The following SH3GL3 variants were observed in gnomAD, a reference collection of about 807,000 sequenced individuals.
The protein encoded by SH3GL3 is SH3 domain containing GRB2 like 3, endophilin A3.
A neutral mutation model predicts 47.7 loss-of-function variants in SH3GL3; 33 were observed. The observed-to-expected ratio is 0.69, with a 90% confidence interval of 0.52 to 0.92. SH3GL3 has a LOEUF of 0.92. Among genes scored for constraint, SH3GL3 ranks in the 40% least tolerant of loss-of-function variants. The pLI, the probability that SH3GL3 is intolerant of heterozygous loss-of-function variation, is 0.00. For missense variants in SH3GL3, 363 were observed against 417.8 expected (o/e 0.87, Z 1.14); for synonymous variants, 155 against 148.8 (o/e 1.04, Z -0.30).
chr15:83,498,901 A>G (rs1369212738), intron 1 of SH3GL3, among the ~76,000 whole-genome samples: 1 of 152,136 alleles, frequency 6.6e-6, no homozygotes, highest in African/African-American at 2.4e-5. Flanking sequence ...TTTGCACACT[A>G]TGCCCTGTTG....
At chr15:83,520,762 C>G (rs1288837544) in intron 1 of SH3GL3, among the ~76,000 whole-genome samples, 2 of 152,102 alleles carry the variant, frequency 1.3e-5, no homozygotes, top group African/African-American at 4.8e-5. Flanking sequence ...GTATTGAATA[C>G]TGGAAATTTG....
intron 1 of SH3GL3, among the ~76,000 whole-genome samples, chr15:83,469,196 T>G (rs2040719303): frequency 6.6e-6 from 1 of 152,154 alleles, no homozygotes; most frequent in Non-Finnish European, 1.5e-5. Flanking sequence ...TTCCTGATAA[T>G]GGTAATTTTT....
intron 1 of SH3GL3, among the ~76,000 whole-genome samples, chr15:83,497,278 C>T (rs2042118697): frequency 6.6e-6 from 1 of 152,152 alleles, no homozygotes; most frequent in African/African-American, 2.4e-5. Context: ...TCTTCACGCT[C>T]TCCTTTACTG....
At chr15:83,498,935 A>G (rs568027404) in intron 1 of SH3GL3, among the ~76,000 whole-genome samples, 1 of 152,246 alleles carries the variant, frequency 6.6e-6, no homozygotes, top group South Asian at 2.1e-4. Context: ...GACCAGGTCC[A>G]TGTTCTTCCT....
chr15:83,558,777 A>T (rs2045094136), intron 1 of SH3GL3, among the ~76,000 whole-genome samples: 1 of 152,176 alleles, frequency 6.6e-6, no homozygotes, highest in Non-Finnish European at 1.5e-5. Flanking sequence ...ATCTTCTAGG[A>T]AACACATCCC....
At chr15:83,504,051 A>G (rs1426156671) in intron 1 of SH3GL3, among the ~76,000 whole-genome samples, 4 of 152,212 alleles carry the variant, frequency 2.6e-5, no homozygotes, top group Non-Finnish European at 4.4e-5. Flanking sequence ...ACTGGTTTCT[A>G]AGAACTCTTT....
chr15:83,616,522 G>A (rs1009834037), intron 8 of SH3GL3, among the ~76,000 whole-genome samples: 1 of 152,086 alleles, frequency 6.6e-6, no homozygotes, highest in East Asian at 1.9e-4. Context: ...GATTACAAGC[G>A]TGAGCCACTG....
intron 6 of SH3GL3, among the ~76,000 whole-genome samples, chr15:83,578,139 C>T (rs2151785658): frequency 6.6e-6 from 1 of 152,282 alleles, no homozygotes; most frequent in South Asian, 2.1e-4. Flanking sequence ...CAAGTAAAGT[C>T]AAATGAAATG....
intron 8 of SH3GL3, among the ~76,000 whole-genome samples, chr15:83,600,747 G>A (rs1490765458): frequency 6.6e-6 from 1 of 152,118 alleles, no homozygotes; most frequent in East Asian, 1.9e-4. Context: ...GTATTTTGAT[G>A]ATGGGAATTG....
chr15:83,588,417 T>C (rs537227838), intron 7 of SH3GL3, among the ~76,000 whole-genome samples: 9 of 152,324 alleles, frequency 5.9e-5, no homozygotes, highest in African/African-American at 2.2e-4. Context: ...TGAGCCACCA[T>C]GGCTGGCCCA....
chr15:83,485,456 T>G (rs1222065608), intron 1 of SH3GL3, among the ~76,000 whole-genome samples: 1 of 152,180 alleles, frequency 6.6e-6, no homozygotes, highest in Non-Finnish European at 1.5e-5. Flanking sequence ...GCTGCATTTT[T>G]TAGCATTGTA....
At chr15:83,632,698 G>A in the SH3GL3 span, among the ~76,000 whole-genome samples, 1 of 152,170 alleles carries the variant, frequency 6.6e-6, no homozygotes, top group African/African-American at 2.4e-5. Context: ...ACTGTCATAA[G>A]AAAAGCATGA....
chr15:83,450,043 A>G (rs1372948194), intron 1 of SH3GL3, among the ~76,000 whole-genome samples: 3 of 152,250 alleles, frequency 2.0e-5, no homozygotes, highest in Non-Finnish European at 4.4e-5. Context: ...GTCAATGGCT[A>G]AAATAATTTC....
intron 1 of SH3GL3, among the ~76,000 whole-genome samples, chr15:83,478,746 G>A (rs150821592): frequency 0.011 from 1,749 of 152,230 alleles, 17 homozygotes; most frequent in Non-Finnish European, 0.015. Context: ...CTCCTCTTCC[G>A]TATACTAGGG....
rs62029473 is a variant in SH3GL3 at position 83,615,309 on chromosome 15, C to A, written c.839-2773C>A. On this transcript the variant is annotated intron_variant, in intron 8 of 8. Transcript: ENST00000427482. ...ATGAACTAGTTTTACTAGTTATTAACATTTTATTTATTTATTTATTTTTGA... is the reference window on the plus strand; with the variant it reads ...ATGAACTAGTTTTACTAGTTATTAAAATTTTATTTATTTATTTATTTTTGA... Among the ~76,000 whole-genome samples the A allele has an allele frequency of 5.3e-3, 803 of 152,030 alleles. 3 individuals carry two copies. The highest frequency in any genetic ancestry group is 8.5e-3 in the Non-Finnish European group (575 of 67,978).
chr15:83,521,471 G>A (rs913291632), intron 1 of SH3GL3, among the ~76,000 whole-genome samples: 1 of 152,150 alleles, frequency 6.6e-6, no homozygotes, highest in Admixed American at 6.5e-5. Flanking sequence ...GGAGAGCTGG[G>A]AATGGAATGG....
intron 1 of SH3GL3, among the ~76,000 whole-genome samples, chr15:83,472,420 C>T (rs2040873149): frequency 6.6e-6 from 1 of 152,126 alleles, no homozygotes; most frequent in African/African-American, 2.4e-5. Flanking sequence ...TTTATTTTCT[C>T]TCTGTTGTTC....
In SH3GL3 at chr15:83,588,685, C is replaced by T; in HGVS notation, c.752C>T (p.Pro251Leu). 1 of 1,610,654 alleles carries T rather than the reference C, an allele frequency of 6.2e-7. No individual in the cohort carries two copies. The highest frequency in any genetic ancestry group is 8.5e-7 in the Non-Finnish European group (1 of 1,176,826). ...QMRISAASSVPRREYKPRPVK... is the reference protein window; with the variant it reads ...QMRISAASSVLRREYKPRPVK... ...AGAATATCAGCTGCATCCAGTGTCC[C>T]CAGACGAGAATACAAGCCAAGGCCT... Residue 251 changes from proline to leucine, a missense_variant, in exon 8 of 9, where the codon CCC becomes CTC. By Grantham distance (98) the Pro-to-Leu change is moderately conservative. Transcript: ENST00000427482.
At chr15:83,551,998 C>T (rs1471627895) in intron 1 of SH3GL3, among the ~76,000 whole-genome samples, 1 of 152,152 alleles carries the variant, frequency 6.6e-6, no homozygotes, top group African/African-American at 2.4e-5. Flanking sequence ...AGGCTTTGTT[C>T]TGGAACTTTC....
Sources: allele counts gnomAD v4.1 joint callset (sites outside exome capture counted in the v4.1 genomes callset), GRCh38; gene constraint gnomAD v4.1.1; transcripts MANE v1.5; gene names NCBI Gene and HGNC (gene_info 2026-07-23, HGNC 2026-07-21).